The following BIK variants were observed in gnomAD, a reference collection of about 807,000 sequenced individuals.
The protein encoded by BIK is bcl-2-interacting killer.
In BIK, 14 loss-of-function variants were observed where a neutral mutation model predicts 12.1. That is an observed-to-expected ratio of 1.16 (90% CI 0.77 to 1.81). BIK has a LOEUF of 1.81. Ranked by LOEUF, BIK falls within the 40% of genes most tolerant of loss-of-function variation. The pLI is 0.00. For synonymous variants in BIK, 86 were observed against 92.3 expected, an observed-to-expected ratio of 0.93 and a Z score of 0.39; for missense variants, 215 against 207.9, an observed-to-expected ratio of 1.03 and a Z score of -0.21.
intron 1 of BIK, among the ~76,000 whole-genome samples, chr22:43,112,762 G>A (rs1017519601): frequency 3.3e-5 from 5 of 151,838 alleles, no homozygotes; most frequent in South Asian, 4.2e-4. Context: ...AAAATTAACC[G>A]GGCATGGTGG....
intron 1 of BIK, among the ~76,000 whole-genome samples, chr22:43,113,101 G>A (rs1366599560): frequency 6.6e-6 from 1 of 152,186 alleles, no homozygotes; most frequent in Non-Finnish European, 1.5e-5. Flanking sequence ...CTACTTGGGA[G>A]GCTGAGGCAG....
intron 1 of BIK, among the ~76,000 whole-genome samples, chr22:43,116,456 T>A (rs925362376): frequency 2.1e-5 from 3 of 145,400 alleles, no homozygotes; most frequent in Non-Finnish European, 4.5e-5. Context: ...GTTACATGTA[T>A]TAAATGCATT....
chr22:43,114,767 G>A (rs1398971594), intron 1 of BIK, among the ~76,000 whole-genome samples: 1 of 152,206 alleles, frequency 6.6e-6, no homozygotes, highest in African/African-American at 2.4e-5. Context: ...GGTCAGCACG[G>A]GTGTGCGCCT....
At chr22:43,119,526 G>T (rs1014230606) in intron 1 of BIK, among the ~76,000 whole-genome samples, 1 of 152,050 alleles carries the variant, frequency 6.6e-6, no homozygotes. Context: ...CTGTGCAATA[G>T]GTGTTACTAG....
intron 1 of BIK, among the ~76,000 whole-genome samples, 171 bp downstream of exon 1, chr22:43,110,974 G>C (rs1158859576): frequency 6.6e-6 from 1 of 152,176 alleles, no homozygotes; most frequent in East Asian, 1.9e-4. Context: ...CTCCGGCTCC[G>C]AAACGTACCC....
intron 1 of BIK, among the ~76,000 whole-genome samples, chr22:43,115,322 G>A (rs902920556): frequency 2.6e-5 from 4 of 151,916 alleles, no homozygotes; most frequent in African/African-American, 9.7e-5. Context: ...AGGAGCTGGG[G>A]TGTGAAAGGG....
At position 43,127,740 on chromosome 22, in the gene BIK, G is replaced by C; in HGVS notation, c.205G>C (p.Asp69His). The C allele has an allele frequency of 6.4e-7, 1 of 1,555,324 alleles. No homozygotes were observed. The highest frequency in any genetic ancestry group is 8.7e-7 in the Non-Finnish European group (1 of 1,150,188). Residue 69 changes from aspartate to histidine, a missense_variant, in exon 3 of 5, where the codon GAC (aspartate) becomes CAC (histidine). By Grantham distance (81) the Asp-to-His change is moderately conservative. Transcript: ENST00000216115. The part of the protein sequence containing the change: ...LRLACIGDEM[D>H]VSLRAPRLAQ... ...GCTGGCCTGCATCGGGGACGAGATG[G>C]ACGTGAGCCTCAGGGCCCCGCGCCT...
chr22:43,116,392 T>C (rs962490412), intron 1 of BIK, among the ~76,000 whole-genome samples: 1 of 152,050 alleles, frequency 6.6e-6, no homozygotes, highest in African/African-American at 2.4e-5. Context: ...CCTTTCGCCT[T>C]GTGCTCTTAA....
At chr22:43,111,092 G>A (rs1334436125) in intron 1 of BIK, among the ~76,000 whole-genome samples, 1 of 151,996 alleles carries the variant, frequency 6.6e-6, no homozygotes, top group Non-Finnish European at 1.5e-5. Context: ...GCGTCTCGCC[G>A]CGACGGCTGG....
chr22:43,111,066 A>G (rs1930000295), intron 1 of BIK, among the ~76,000 whole-genome samples: 1 of 151,352 alleles, frequency 6.6e-6, no homozygotes, highest in Non-Finnish European at 1.5e-5. Context: ...CGCCTGTGCA[A>G]TGGGGTGGTC....
chr22:43,129,085 C>T, intron 4 of BIK, 128 bp from the exon 5 acceptor site: 1 of 1,520,010 alleles, frequency 6.6e-7, no homozygotes, highest in Non-Finnish European at 9.0e-7. Context: ...CTCCTTCCTT[C>T]TCTGGTCCCC....
At chr22:43,114,517 G>A (rs1250184909) in intron 1 of BIK, among the ~76,000 whole-genome samples, 1 of 152,172 alleles carries the variant, frequency 6.6e-6, no homozygotes, top group Non-Finnish European at 1.5e-5. Context: ...TGGCCAGGTT[G>A]GTCTTGAACT....
At position 43,129,313 on chromosome 22, in the gene BIK, G is replaced by A. The variant is rs1428947347; in HGVS notation, c.*8G>A. The A allele has an allele frequency of 6.3e-7, 1 of 1,596,888 alleles. No individual in the cohort carries two copies. Among genetic ancestry groups the A allele is most frequent in the South Asian group, 1.1e-5 (1 of 90,834 alleles). The stretch of plus-strand genomic sequence containing the variant: ...CACCTGCTGCTCAAGTGAGGCCCCG[G>A]CGGCTCAGGGCGGGGCTGGCCCCAC... On this transcript the variant is annotated 3_prime_UTR_variant, in exon 5 of 5. Transcript: ENST00000216115.
At chr22:43,125,731 GAGAA>G (rs1055642380) in intron 2 of BIK, among the ~76,000 whole-genome samples, 14 of 151,922 alleles carry the variant, frequency 9.2e-5, no homozygotes, top group African/African-American at 3.1e-4. Context: ...CACAAAAAAA[GAGAA>G]AGAGAAAAGA....
chr22:43,119,201 G>C (rs917320424), intron 1 of BIK, among the ~76,000 whole-genome samples: 5 of 151,916 alleles, frequency 3.3e-5, no homozygotes, highest in Non-Finnish European at 7.4e-5. Flanking sequence ...TGTGTAGGAG[G>C]CTAAGTGCGG....
In BIK at chr22:43,128,525, C is replaced by G. The variant is rs777319617; in HGVS notation, c.290C>G (p.Thr97Ser). ...SLGLAFIYDQ[T>S]EDIRDVLRSF... ...GGTCTGGCTTTCATCTACGACCAGA[C>G]TGAGGACATCAGGGATGTTCTTAGA... is the stretch of plus-strand genomic sequence containing the variant. Residue 97 changes from threonine to serine, a missense_variant, in exon 4 of 5, where the codon ACT becomes AGT. Transcript: ENST00000216115. 122 of 1,613,798 alleles carry G rather than the reference C, an allele frequency of 7.6e-5. No individual in the cohort carries two copies. The highest frequency in any genetic ancestry group is 9.7e-5 in the Non-Finnish European group (115 of 1,179,760).
intron 1 of BIK, among the ~76,000 whole-genome samples, chr22:43,111,314 G>A (rs1930006311): frequency 6.6e-6 from 1 of 152,210 alleles, no homozygotes; most frequent in Admixed American, 6.5e-5. Flanking sequence ...CTGAGGAAGG[G>A]CCGAGGAAAG....
intron 1 of BIK, 27 bp from the exon 2 acceptor site, chr22:43,123,989 C>T (rs1569466782): frequency 6.2e-7 from 1 of 1,612,106 alleles, no homozygotes; most frequent in Non-Finnish European, 8.5e-7. Flanking sequence ...CTTAGGGGTC[C>T]AGTCATATGC....
At chr22:43,121,945 G>T (rs1006621711) in intron 1 of BIK, among the ~76,000 whole-genome samples, 1 of 152,206 alleles carries the variant, frequency 6.6e-6, no homozygotes, top group Non-Finnish European at 1.5e-5. Context: ...TGGCCAGGCT[G>T]GTCTCAAACT....
Sources: allele counts gnomAD v4.1 joint callset (sites outside exome capture counted in the v4.1 genomes callset), GRCh38; gene constraint gnomAD v4.1.1; transcripts MANE v1.5; gene names NCBI Gene and HGNC (gene_info 2026-07-23, HGNC 2026-07-21).